PTPRM: variants seen among roughly 807,000 people sequenced by gnomAD.
The protein encoded by PTPRM is protein tyrosine phosphatase receptor type M, also known as receptor-type tyrosine-protein phosphatase mu.
A neutral mutation model predicts 186.7 loss-of-function variants in PTPRM; 47 were observed. The ratio of observed to expected loss-of-function variants is 0.25; its 90% CI spans 0.20 to 0.32. The LOEUF (loss-of-function observed/expected upper bound fraction) is 0.32, where lower values mean the gene tolerates loss of function less well. PTPRM is among the 10% of genes least tolerant of loss of function. The pLI is 1.00. For synonymous variants in PTPRM, 668 were observed against 674.9 expected (o/e 0.99, Z 0.16); for missense variants, 1,494 against 1,865.0 (o/e 0.80, Z 3.66).
At chr18:8,296,939 TCACAA>T (rs2095103573) in intron 20 of PTPRM, among the ~76,000 whole-genome samples, 1 of 152,108 alleles carries the variant, frequency 6.6e-6, no homozygotes, top group Non-Finnish European at 1.5e-5. Context: ...ACTCCCCATA[TCACAA>T]CACTCATTAG....
chr18:7,604,498 A>G (rs975299499), intron 1 of PTPRM, among the ~76,000 whole-genome samples: 2 of 152,256 alleles, frequency 1.3e-5, no homozygotes, highest in African/African-American at 4.8e-5. Context: ...ACTCATTCCA[A>G]TTCAAATGAG....
At chr18:7,810,010 T>C (rs1400152130) in intron 2 of PTPRM, among the ~76,000 whole-genome samples, 1 of 152,268 alleles carries the variant, frequency 6.6e-6, no homozygotes, top group African/African-American at 2.4e-5. Context: ...CCTGAGCTTC[T>C]GTGGGACTTG....
At chr18:8,358,859 CTG>C (rs2095579393) in intron 23 of PTPRM, among the ~76,000 whole-genome samples, 1 of 152,180 alleles carries the variant, frequency 6.6e-6, no homozygotes, top group South Asian at 2.1e-4. Context: ...TGCAAAATAA[CTG>C]AGTGCATACG....
At chr18:8,162,160 C>T (rs189965832) in intron 14 of PTPRM, among the ~76,000 whole-genome samples, 255 of 150,820 alleles carry the variant, frequency 1.7e-3, no homozygotes, top group Middle Eastern at 6.8e-3. Flanking sequence ...AGTGCAATGG[C>T]GCCATCTCGG....
intron 7 of PTPRM, among the ~76,000 whole-genome samples, chr18:7,984,815 TTATA>T (rs1444608358): frequency 7.5e-6 from 1 of 133,988 alleles, no homozygotes; most frequent in African/African-American, 2.8e-5. Flanking sequence ...ACATATAAAA[TTATA>T]TACACATATA....
chr18:8,358,249 G>GCACACACACACA lies in PTPRM; in HGVS notation c.3055-12626_3055-12615dup, dbSNP rs144869213. Among the ~76,000 whole-genome samples, 490 of 147,652 alleles carry GCACACACACACA rather than the reference G, an allele frequency of 3.3e-3. 4 individuals are homozygous for GCACACACACACA. The highest frequency in any genetic ancestry group is 0.028 in the East Asian group (137 of 4,884). ...CTTCCCAAATGTATGCACATGACAC[G>GCACACACACACA]CACACACACACACACACACACACAC... On this transcript the variant is annotated intron_variant, in intron 23 of 32. Transcript: ENST00000580170.
chr18:7,940,438 A>G (rs1248139801), intron 5 of PTPRM, among the ~76,000 whole-genome samples: 1 of 152,138 alleles, frequency 6.6e-6, no homozygotes, highest in East Asian at 1.9e-4. Context: ...TTCAGTTTGG[A>G]ATTTAGGCGT....
chr18:8,376,498 T>G lies in PTPRM; in HGVS notation c.3363T>G (p.Ile1121Met). The G allele has an allele frequency of 6.2e-7, 1 of 1,614,108 alleles. No homozygotes were observed. Among genetic ancestry groups the G allele is most frequent in the Non-Finnish European group, 8.5e-7 (1 of 1,180,002 alleles). The change falls in exon 26 of 33, where the codon ATT becomes ATG. Residue 1121 changes from isoleucine to methionine, a missense_variant. By Grantham distance (10) the Ile-to-Met change is conservative. Transcript: ENST00000580170. ...GGAGGACTGGCTGTTTCATCGTCAT[T>G]GATATCATGTTGGACATGGCCGAAA... is the stretch of plus-strand genomic sequence containing the variant. ...GAGRTGCFIV[I>M]DIMLDMAERE...
intron 1 of PTPRM, among the ~76,000 whole-genome samples, chr18:7,653,932 C>G (rs562647040): frequency 1.3e-5 from 2 of 152,184 alleles, no homozygotes; most frequent in African/African-American, 4.8e-5. Context: ...ACACTCCCAC[C>G]ACCAGTGTAT....
intron 1 of PTPRM, among the ~76,000 whole-genome samples, chr18:7,718,745 A>G (rs1329171892): frequency 6.6e-6 from 1 of 152,224 alleles, no homozygotes; most frequent in African/African-American, 2.4e-5. Flanking sequence ...AAAACTGGGC[A>G]AAGGACAAGA....
At chr18:7,966,607 C>G (rs1433507419) in intron 7 of PTPRM, among the ~76,000 whole-genome samples, 2 of 147,376 alleles carry the variant, frequency 1.4e-5, no homozygotes, top group East Asian at 2.0e-4. Context: ...GCGCACCGTG[C>G]GCGAGCCGAA....
chr18:7,951,235 A>G (rs1209874172), intron 6 of PTPRM, among the ~76,000 whole-genome samples: 2 of 152,224 alleles, frequency 1.3e-5, no homozygotes, highest in Admixed American at 6.5e-5. Flanking sequence ...CAGAAAGGAC[A>G]CTAGTTTGCC....
intron 7 of PTPRM, among the ~76,000 whole-genome samples, chr18:8,064,150 T>G (rs2088860996): frequency 6.6e-6 from 1 of 152,198 alleles, no homozygotes. Context: ...AATTTTAAAT[T>G]TAATAATTTA....
chr18:7,646,531 T>C (rs144480751), intron 1 of PTPRM, among the ~76,000 whole-genome samples: 15 of 152,316 alleles, frequency 9.8e-5, no homozygotes, highest in African/African-American at 3.6e-4. Context: ...TTCTGACTTA[T>C]CTCTCGTATA....
intron 2 of PTPRM, among the ~76,000 whole-genome samples, chr18:7,845,644 A>G (rs1053630114): frequency 6.6e-6 from 1 of 152,134 alleles, no homozygotes; most frequent in Non-Finnish European, 1.5e-5. Flanking sequence ...TATGGACAAC[A>G]TTCCCTGTTA....
At position 8,319,231 on chromosome 18, in the gene PTPRM, T is replaced by C; in HGVS notation, c.2956+17T>C. ...CTACCCAAGGTAAGTTTATTTCTACTTTGTTGTCTTTCTTTGTTTCTTTTG... is the reference window on the plus strand; with the variant it reads ...CTACCCAAGGTAAGTTTATTTCTACCTTGTTGTCTTTCTTTGTTTCTTTTG... On this transcript the variant is annotated intron_variant, in intron 22 of 32. Coordinates refer to ENST00000580170, the MANE Select transcript of PTPRM (RefSeq NM_001105244.2). The C allele has an allele frequency of 6.5e-7, 1 of 1,545,640 alleles. No homozygotes were observed. Among genetic ancestry groups the C allele is most frequent in the Non-Finnish European group, 8.9e-7 (1 of 1,123,312 alleles).
At chr18:7,821,793 C>T (rs1301453451) in intron 2 of PTPRM, among the ~76,000 whole-genome samples, 1 of 152,162 alleles carries the variant, frequency 6.6e-6, no homozygotes, top group Non-Finnish European at 1.5e-5. Context: ...GTGGGCAGGG[C>T]AGGTGGTATC....
At chr18:7,889,160 A>G (rs965519362) in intron 3 of PTPRM, among the ~76,000 whole-genome samples, 2 of 152,128 alleles carry the variant, frequency 1.3e-5, no homozygotes, top group African/African-American at 4.8e-5. Context: ...CAGTGCAAGA[A>G]AAACCTATGC....
At chr18:7,924,210 G>A (rs1430026571) in intron 4 of PTPRM, among the ~76,000 whole-genome samples, 1 of 152,186 alleles carries the variant, frequency 6.6e-6, no homozygotes, top group African/African-American at 2.4e-5. Context: ...CTTTCTGAGT[G>A]GCCCACACAG....
Sources: allele counts gnomAD v4.1 joint callset (sites outside exome capture counted in the v4.1 genomes callset), GRCh38; gene constraint gnomAD v4.1.1; transcripts MANE v1.5; gene names NCBI Gene and HGNC (gene_info 2026-07-23, HGNC 2026-07-21).